Variants in PTPRN2 observed in about 807,000 individuals in gnomAD.
The protein encoded by PTPRN2 is receptor-type tyrosine-protein phosphatase N2.
PTPRN2 carries 74 observed loss-of-function variants against 118.8 expected under a neutral mutation model. The observed-to-expected ratio is 0.62, with a 90% CI of 0.52 to 0.76. The LOEUF (loss-of-function observed/expected upper bound fraction) is 0.76, where lower values mean the gene tolerates loss of function less well. Ranked by LOEUF, PTPRN2 falls within the 30% of genes least tolerant of loss-of-function variation. The pLI is 0.00. For synonymous variants in PTPRN2, 641 were observed against 608.0 expected, an observed-to-expected ratio of 1.05 and a Z score of -0.80; for missense variants, 1,481 against 1,394.4, an observed-to-expected ratio of 1.06 and a Z score of -0.99.
At chr7:158,013,581 G>T (rs1182049124) in intron 11 of PTPRN2, among the ~76,000 whole-genome samples, 1 of 151,640 alleles carries the variant, frequency 6.6e-6, no homozygotes, top group Non-Finnish European at 1.5e-5. Context: ...CAATTCACTT[G>T]TTCATCTATC....
chr7:158,266,583 C>G (rs983521918), intron 3 of PTPRN2, among the ~76,000 whole-genome samples: 30 of 152,144 alleles, frequency 2.0e-4, no homozygotes, highest in Admixed American at 2.0e-3. Context: ...CTGTGAGCAT[C>G]AGGCCTGAAT....
At chr7:158,367,522 C>G (rs1809632890) in intron 2 of PTPRN2, among the ~76,000 whole-genome samples, 1 of 152,194 alleles carries the variant, frequency 6.6e-6, no homozygotes, top group African/African-American at 2.4e-5. Context: ...TCACACTGTG[C>G]TGGAGTCAGG....
chr7:157,962,460 G>A (rs1270564458), intron 11 of PTPRN2, among the ~76,000 whole-genome samples: 2 of 152,212 alleles, frequency 1.3e-5, no homozygotes, highest in Admixed American at 6.5e-5. Context: ...TCACCAGCAG[G>A]TCTCTCATTA....
At chr7:157,657,038 TATACACACAC>T (rs1795524618) in intron 13 of PTPRN2, among the ~76,000 whole-genome samples, 1 of 98,816 alleles carries the variant, frequency 1.0e-5, no homozygotes, top group South Asian at 3.5e-4. Context: ...ACATCACACA[TATACACACAC>T]ATACACCACA....
chr7:157,824,561 G>C (rs1422077378), intron 12 of PTPRN2, among the ~76,000 whole-genome samples: 1 of 152,152 alleles, frequency 6.6e-6, no homozygotes, highest in South Asian at 2.1e-4. Context: ...GGAAGAACTC[G>C]GTAGGAACTC....
At chr7:157,843,075 T>G (rs765306185) in intron 12 of PTPRN2, among the ~76,000 whole-genome samples, 12 of 152,198 alleles carry the variant, frequency 7.9e-5, no homozygotes, top group African/African-American at 1.4e-4. Flanking sequence ...TCACTCTTGA[T>G]AGCATAATAT....
chr7:158,032,221 G>T (rs547438624), intron 11 of PTPRN2, among the ~76,000 whole-genome samples: 2 of 152,090 alleles, frequency 1.3e-5, no homozygotes, highest in African/African-American at 4.8e-5. Flanking sequence ...TTATTGCTTC[G>T]CCGGGAGCAG....
intron 4 of PTPRN2, among the ~76,000 whole-genome samples, chr7:158,199,634 G>A (rs1303534487): frequency 2.0e-5 from 3 of 152,140 alleles, no homozygotes; most frequent in African/African-American, 4.8e-5. Flanking sequence ...TTGTTCAGCT[G>A]TGAAGCTCAG....
chr7:157,557,180 T>C (rs2150483001), intron 21 of PTPRN2, among the ~76,000 whole-genome samples: 1 of 149,468 alleles, frequency 6.7e-6, no homozygotes, highest in South Asian at 2.1e-4. Context: ...TACACAGGCA[T>C]GCACACACCA....
intron 7 of PTPRN2, among the ~76,000 whole-genome samples, 187 bp from the exon 8 acceptor site, chr7:158,136,882 C>T (rs544776149): frequency 3.3e-5 from 5 of 152,266 alleles, no homozygotes; most frequent in South Asian, 4.1e-4. Flanking sequence ...GTAAACTTCG[C>T]GAGAGCGGAG....
At chr7:158,012,343 C>G (rs527407597) in intron 11 of PTPRN2, among the ~76,000 whole-genome samples, 192 of 152,158 alleles carry the variant, frequency 1.3e-3, no homozygotes, top group African/African-American at 4.4e-3. Flanking sequence ...GAGACTGACT[C>G]CAGCAAGCTT....
intron 3 of PTPRN2, 52 bp downstream of exon 3, chr7:158,316,767 G>C (rs930697972): frequency 1.5e-6 from 2 of 1,364,536 alleles, no homozygotes; most frequent in African/African-American, 1.4e-5. Flanking sequence ...AGCCAAGCCC[G>C]TGCGGTCGCT....
intron 2 of PTPRN2, among the ~76,000 whole-genome samples, chr7:158,381,671 G>A (rs745614978): frequency 2.5e-4 from 38 of 152,130 alleles, no homozygotes; most frequent in Non-Finnish European, 5.0e-4. Context: ...CTACAGCAGT[G>A]CCCCACTCTA....
intron 1 of PTPRN2, among the ~76,000 whole-genome samples, chr7:158,547,147 C>CT (rs961408644): frequency 2.8e-4 from 42 of 152,124 alleles, no homozygotes; most frequent in Non-Finnish European, 3.5e-4. Context: ...TTTAACTAAA[C>CT]TTTTTTTTAA....
chr7:158,222,117 A>G (rs2150796010), intron 3 of PTPRN2, among the ~76,000 whole-genome samples: 1 of 152,322 alleles, frequency 6.6e-6, no homozygotes, highest in South Asian at 2.1e-4. Context: ...ATGCTTATAC[A>G]CTGCTGGTGG....
chr7:157,605,856 C>A (rs946610793), intron 15 of PTPRN2, among the ~76,000 whole-genome samples: 1 of 152,228 alleles, frequency 6.6e-6, no homozygotes, highest in Non-Finnish European at 1.5e-5. Context: ...GGAAAAGGCA[C>A]CATGAGTTCC....
chr7:158,447,986 C>T (rs570044537), intron 2 of PTPRN2, among the ~76,000 whole-genome samples: 50 of 152,362 alleles, frequency 3.3e-4, no homozygotes, highest in African/African-American at 1.0e-3. Flanking sequence ...ATCGTCAGCC[C>T]GAGGATGCTG....
At chr7:157,700,859 C>A (rs571502825) in intron 12 of PTPRN2, among the ~76,000 whole-genome samples, 8 of 152,336 alleles carry the variant, frequency 5.3e-5, no homozygotes, top group Admixed American at 3.3e-4. Flanking sequence ...ATCGAGGAAC[C>A]CTGGCTGGCT....
At chr7:158,149,619 ATGGTGGAAACCCC>A (rs1820724525) in intron 6 of PTPRN2, among the ~76,000 whole-genome samples, 1 of 152,084 alleles carries the variant, frequency 6.6e-6, no homozygotes, top group Admixed American at 6.5e-5. Context: ...CCTGGCCAAC[ATGGTGGAAACCCC>A]ATCTCTACTA....
Sources: gnomAD v4.1 joint callset for allele counts (sites outside exome capture counted in the v4.1 genomes callset) on GRCh38, gnomAD v4.1.1 for gene constraint, MANE v1.5 for transcripts, NCBI Gene and HGNC (gene_info 2026-07-23, HGNC 2026-07-21) for gene names.